The following PBX3 variants were observed in gnomAD, a reference collection of about 807,000 sequenced individuals.
PBX3 encodes the protein PBX homeobox 3.
In PBX3, 14 loss-of-function variants were observed where a neutral mutation model predicts 48.5. The observed-to-expected ratio is 0.29, with a 90% CI of 0.19 to 0.45. The LOEUF (loss-of-function observed/expected upper bound fraction) is 0.45. Among genes scored for constraint, PBX3 ranks in the 20% least tolerant of loss-of-function variants. PBX3 has a pLI of 1.00. For synonymous variants in PBX3, 210 were observed against 200.3 expected (o/e 1.05, Z -0.41); for missense variants, 386 against 546.7 (o/e 0.71, Z 2.93).
intron 2 of PBX3, among the ~76,000 whole-genome samples, chr9:125,839,428 C>T (rs1174730315): frequency 1.3e-5 from 2 of 152,094 alleles, no homozygotes; most frequent in Non-Finnish European, 2.9e-5. Flanking sequence ...TTTTTCACAG[C>T]AATTCAATTA....
At chr9:125,774,875 CT>C (rs929912366) in intron 2 of PBX3, among the ~76,000 whole-genome samples, 474 of 141,290 alleles carry the variant, frequency 3.4e-3, no homozygotes, top group Non-Finnish European at 3.1e-3. Context: ...GTTCCAGTTT[CT>C]TTTTTTTTTT....
intron 4 of PBX3, among the ~76,000 whole-genome samples, chr9:125,934,158 G>C (rs891328678): frequency 6.6e-6 from 1 of 152,078 alleles, no homozygotes; most frequent in East Asian, 1.9e-4. Flanking sequence ...TTGAAATTAA[G>C]ACATTTCAGG....
At chr9:125,893,659 A>T (rs1840703455) in intron 2 of PBX3, among the ~76,000 whole-genome samples, 1 of 152,140 alleles carries the variant, frequency 6.6e-6, no homozygotes, top group South Asian at 2.1e-4. Context: ...TTATATGTAT[A>T]CTCTGGCTCT....
intron 2 of PBX3, among the ~76,000 whole-genome samples, chr9:125,783,323 T>C (rs1028517851): frequency 1.3e-5 from 2 of 152,154 alleles, no homozygotes. Context: ...GTTTTACTCA[T>C]GTTGCCCAGG....
Position 125,760,804 on chromosome 9 carries a change from T to A in PBX3, c.274+12181T>A, listed in dbSNP as rs151057847. Among the ~76,000 whole-genome samples the A allele has an allele frequency of 1.4e-3, 207 of 152,358 alleles. 1 individual carries two copies. Among genetic ancestry groups the A allele is most frequent in the African/African-American group, 4.9e-3 (202 of 41,596 alleles). ...GAAGTTAAGCATGTGTGAAATTTGATGTCACCTTTGAATTCACATATATTT... is the reference window on the plus strand; with the variant it reads ...GAAGTTAAGCATGTGTGAAATTTGAAGTCACCTTTGAATTCACATATATTT... On this transcript the variant is annotated intron_variant, in intron 2 of 8. Transcript: ENST00000373489.
At chr9:125,928,913 C>T (rs1472117022) in intron 3 of PBX3, among the ~76,000 whole-genome samples, 1 of 149,450 alleles carries the variant, frequency 6.7e-6, no homozygotes, top group South Asian at 2.1e-4. Flanking sequence ...CATTGGAATG[C>T]TTGGCACGCA....
intron 5 of PBX3, among the ~76,000 whole-genome samples, chr9:125,948,606 G>A (rs908596069): frequency 6.6e-6 from 1 of 151,982 alleles, no homozygotes. Flanking sequence ...TGTTTAGAAA[G>A]AAATTTATAG....
At chr9:125,751,865 A>T (rs1217051123) in intron 2 of PBX3, among the ~76,000 whole-genome samples, 1 of 152,146 alleles carries the variant, frequency 6.6e-6, no homozygotes, top group African/African-American at 2.4e-5. Flanking sequence ...TGGTCATCTT[A>T]ATCTTAATTG....
chr9:125,904,091 ACTAAAAATTATTTGGAAG>A (rs1032269591), intron 2 of PBX3, among the ~76,000 whole-genome samples: 1 of 151,956 alleles, frequency 6.6e-6, no homozygotes, highest in Non-Finnish European at 1.5e-5. Flanking sequence ...TTGATATTAT[ACTAAAAATTATTTGGAAG>A]CATTTAATTT....
At chr9:125,945,049 CCTCT>C (rs539596483) in intron 5 of PBX3, among the ~76,000 whole-genome samples, 235 of 152,004 alleles carry the variant, frequency 1.5e-3, no homozygotes, top group Admixed American at 2.8e-3. Context: ...ATGGTGAAAC[CCTCT>C]CTCTACTAAA....
At chr9:125,748,891 GC>G in intron 2 of PBX3, 1 of 327,788 alleles carries the variant, frequency 3.1e-6, no homozygotes, top group South Asian at 6.2e-5. Context: ...CGGGGAGGGG[GC>G]CCGGAGCGCC....
chr9:125,797,961 G>A (rs1210309162), intron 2 of PBX3, among the ~76,000 whole-genome samples: 1 of 152,130 alleles, frequency 6.6e-6, no homozygotes, highest in African/African-American at 2.4e-5. Context: ...ATCATAGACT[G>A]TGAGAGAAAT....
chr9:125,848,677 C>T (rs1402390017), intron 2 of PBX3, among the ~76,000 whole-genome samples: 5 of 151,870 alleles, frequency 3.3e-5, no homozygotes, highest in East Asian at 3.8e-4. Flanking sequence ...AATTCTAATT[C>T]GTTCAAAAAG....
intron 2 of PBX3, among the ~76,000 whole-genome samples, chr9:125,756,697 C>T (rs1002390192): frequency 6.6e-6 from 1 of 152,152 alleles, no homozygotes; most frequent in Non-Finnish European, 1.5e-5. Flanking sequence ...GGCATCTCTT[C>T]GGTGTGCATG....
chr9:125,895,601 A>C (rs899954240), intron 2 of PBX3, among the ~76,000 whole-genome samples: 2 of 152,058 alleles, frequency 1.3e-5, no homozygotes, highest in Non-Finnish European at 2.9e-5. Context: ...GGTCTACTAA[A>C]GCTTTTTGAT....
chr9:125,909,165 C>T (rs1300493527), intron 2 of PBX3, among the ~76,000 whole-genome samples: 1 of 152,042 alleles, frequency 6.6e-6, no homozygotes, highest in Non-Finnish European at 1.5e-5. Context: ...CTTGGCTGCT[C>T]TTCACTTCAC....
intron 2 of PBX3, among the ~76,000 whole-genome samples, chr9:125,801,645 GTGATATGTTT>G (rs1184106738): frequency 6.8e-6 from 1 of 145,986 alleles, no homozygotes; most frequent in East Asian, 2.0e-4. Flanking sequence ...ATGTTATCGT[GTGATATGTTT>G]TTTCACATTC....
chr9:125,926,082 G>T (rs1841568015), intron 3 of PBX3, among the ~76,000 whole-genome samples: 1 of 152,200 alleles, frequency 6.6e-6, no homozygotes, highest in South Asian at 2.1e-4. Context: ...TTACTGATGA[G>T]AAAACTGAAG....
At chr9:125,758,374 T>C (rs1381580802) in intron 2 of PBX3, among the ~76,000 whole-genome samples, 10 of 152,172 alleles carry the variant, frequency 6.6e-5, no homozygotes, top group Admixed American at 2.0e-4. Flanking sequence ...ATTTCTAATA[T>C]TTTGCAGAAT....
Sources: gnomAD v4.1 joint callset for allele counts (sites outside exome capture counted in the v4.1 genomes callset) on GRCh38, gnomAD v4.1.1 for gene constraint, MANE v1.5 for transcripts, NCBI Gene and HGNC (gene_info 2026-07-23, HGNC 2026-07-21) for gene names.